Variants in ATP10A observed in about 807,000 individuals in gnomAD.
ATP10A encodes ATPase phospholipid transporting 10A (putative).
ATP10A carries 111 observed loss-of-function variants against 147.8 expected under a neutral mutation model. That is an observed-to-expected ratio of 0.75 (90% CI 0.64 to 0.88). ATP10A has a LOEUF of 0.88. Ranked by LOEUF, ATP10A falls within the 40% of genes least tolerant of loss-of-function variation. The pLI is 0.00. For synonymous variants in ATP10A, 875 were observed against 841.6 expected, an observed-to-expected ratio of 1.04 and a Z score of -0.69; for missense variants, 1,927 against 1,959.0, an observed-to-expected ratio of 0.98 and a Z score of 0.31.
chr15:25,847,834 G>GTT (rs544315563), intron 1 of ATP10A, among the ~76,000 whole-genome samples: 1 of 151,804 alleles, frequency 6.6e-6, no homozygotes, highest in African/African-American at 2.4e-5. Flanking sequence ...GTTTTGCCAT[G>GTT]TTTTCCAGGC....
intron 4 of ATP10A, among the ~76,000 whole-genome samples, chr15:25,726,339 G>A (rs1902548333): frequency 6.6e-6 from 1 of 152,138 alleles, no homozygotes; most frequent in African/African-American, 2.4e-5. Context: ...ACCGTGCCAA[G>A]AAAGAAGGCT....
intron 1 of ATP10A, among the ~76,000 whole-genome samples, chr15:25,833,980 C>A (rs569125837): frequency 1.3e-4 from 19 of 149,960 alleles, no homozygotes; most frequent in African/African-American, 4.5e-4. Context: ...TCAAAAAAAA[C>A]GAACAAACAA....
At chr15:25,856,456 T>C (rs1048334350) in intron 1 of ATP10A, among the ~76,000 whole-genome samples, 2 of 152,208 alleles carry the variant, frequency 1.3e-5, no homozygotes, top group Non-Finnish European at 2.9e-5. Context: ...TATTTCTTCA[T>C]AGCAGCCTGA....
chr15:25,747,243 C>T (rs1239724433), intron 2 of ATP10A, among the ~76,000 whole-genome samples: 5 of 143,854 alleles, frequency 3.5e-5, no homozygotes, highest in South Asian at 2.2e-4. Flanking sequence ...GAGCCAAGAT[C>T]GCACCAACAC....
chr15:25,819,407 AAAAAG>A (rs1451072783), intron 1 of ATP10A, among the ~76,000 whole-genome samples: 11 of 152,218 alleles, frequency 7.2e-5, no homozygotes, highest in African/African-American at 2.4e-4. Context: ...GGCAATTATT[AAAAAG>A]TTAACAAATA....
In ATP10A at chr15:25,809,324, A is replaced by C. The variant is rs75123952; in HGVS notation, c.450-28101T>G. On this transcript the variant is annotated intron_variant, in intron 1 of 20. Transcript: ENST00000555815. Reference sequence around the variant, plus strand: ...GACATGACCCAGGCATGCACTCCCCAAACCTTCAGACACGGCTTACTGCAT... The same window carrying C: ...GACATGACCCAGGCATGCACTCCCCCAACCTTCAGACACGGCTTACTGCAT... 4.4e-3 allele frequency among the ~76,000 whole-genome samples: 671 copies of C among 152,294 alleles called. 5 individuals are homozygous for C. Among genetic ancestry groups the C allele is most frequent in the African/African-American group, 0.015 (644 of 41,552 alleles).
intron 1 of ATP10A, among the ~76,000 whole-genome samples, chr15:25,804,429 A>G (rs568881608): frequency 6.4e-4 from 83 of 129,056 alleles, no homozygotes; most frequent in Non-Finnish European, 9.4e-4. Context: ...CTGCGTGTGT[A>G]TGTGTGGTGT....
At chr15:25,757,875 CCTGCTCCACCCTAACTCATTCCTAT>C in intron 2 of ATP10A, among the ~76,000 whole-genome samples, 1 of 114,230 alleles carries the variant, frequency 8.8e-6, no homozygotes, top group Non-Finnish European at 1.8e-5. Flanking sequence ...ATTCCGACCA[CCTGCTCCACCCTAACTCATTCCTAT>C]CACCTGCTCC....
chr15:25,714,961 C>CATAT (rs72194498), intron 9 of ATP10A, among the ~76,000 whole-genome samples: 3 of 127,618 alleles, frequency 2.4e-5, no homozygotes, highest in Non-Finnish European at 4.7e-5. Flanking sequence ...ATGAATGACA[C>CATAT]ATATACACAC....
chr15:25,768,545 T>C (rs969387858), intron 2 of ATP10A, among the ~76,000 whole-genome samples: 1 of 151,250 alleles, frequency 6.6e-6, no homozygotes, highest in Non-Finnish European at 1.5e-5. Flanking sequence ...TCTCTCTTTT[T>C]TTTTTTTTTT....
Position 25,767,577 on chromosome 15 carries a change from C to T in ATP10A, c.654+13442G>A, listed in dbSNP as rs558410784. 1.1e-4 allele frequency among the ~76,000 whole-genome samples: 17 copies of T among 152,322 alleles called. 1 individual carries two copies. In the South Asian group the frequency reaches 2.9e-3, roughly 26 times the overall value. ...AGGGAAGCAACTGTACTTATCTCAG[C>T]GTGGTGGTTCTTAGTGCAGAAGAGC... On this transcript the variant is annotated intron_variant, in intron 2 of 20. Transcript: ENST00000555815.
chr15:25,851,889 C>T (rs576384094), intron 1 of ATP10A, among the ~76,000 whole-genome samples: 1 of 152,190 alleles, frequency 6.6e-6, no homozygotes, highest in African/African-American at 2.4e-5. Context: ...CACTGCAAGA[C>T]CTCATCTCTA....
chr15:25,690,377 G>C (rs575784415), intron 15 of ATP10A, among the ~76,000 whole-genome samples: 13 of 152,220 alleles, frequency 8.5e-5, no homozygotes, highest in African/African-American at 3.1e-4. Flanking sequence ...CTAAGTAGCT[G>C]GGACTACAGG....
chr15:25,780,275 G>A (rs1165243837), intron 2 of ATP10A, among the ~76,000 whole-genome samples: 4 of 152,222 alleles, frequency 2.6e-5, no homozygotes, highest in Admixed American at 6.5e-5. Flanking sequence ...AGGGCAGGCC[G>A]ACTCAGACTT....
At chr15:25,747,291 A>C (rs78719109) in intron 2 of ATP10A, among the ~76,000 whole-genome samples, 1 of 128,092 alleles carries the variant, frequency 7.8e-6, no homozygotes, top group South Asian at 2.2e-4. Context: ...CCATCTCAAA[A>C]AAAAAAAAAA....
intron 1 of ATP10A, among the ~76,000 whole-genome samples, chr15:25,786,014 G>T (rs994667014): frequency 6.6e-6 from 1 of 152,242 alleles, no homozygotes; most frequent in Non-Finnish European, 1.5e-5. Context: ...GGGGTCTTAA[G>T]CACAGAGGTG....
At chr15:25,802,908 G>A (rs1254521236) in intron 1 of ATP10A, among the ~76,000 whole-genome samples, 4 of 152,166 alleles carry the variant, frequency 2.6e-5, no homozygotes, top group Admixed American at 2.6e-4. Flanking sequence ...ATCTGTGGGG[G>A]TCATTAATCT....
chr15:25,697,054 G>A (rs1900378581), intron 13 of ATP10A, among the ~76,000 whole-genome samples: 1 of 152,190 alleles, frequency 6.6e-6, no homozygotes, highest in South Asian at 2.1e-4. Context: ...GACTGAAAAG[G>A]GGATTCTTGG....
chr15:25,843,118 C>T (rs563164017), intron 1 of ATP10A, among the ~76,000 whole-genome samples: 14 of 152,262 alleles, frequency 9.2e-5, no homozygotes, highest in South Asian at 4.1e-4. Flanking sequence ...ACAGTTGGCA[C>T]GAAATTAAGC....
Sources: gnomAD v4.1 joint callset for allele counts (sites outside exome capture counted in the v4.1 genomes callset) on GRCh38, gnomAD v4.1.1 for gene constraint, MANE v1.5 for transcripts, NCBI Gene and HGNC (gene_info 2026-07-23, HGNC 2026-07-21) for gene names.